The following TRPV5 variants were observed in gnomAD, a reference collection of about 807,000 sequenced individuals.
The protein encoded by TRPV5 is calcium transport protein 2.
Under a neutral mutation model 74.1 loss-of-function variants are expected in TRPV5, and 66 were observed. That is an observed-to-expected ratio of 0.89 (90% CI 0.73 to 1.09). The LOEUF (loss-of-function observed/expected upper bound fraction) is 1.09. Among genes scored for constraint, TRPV5 ranks in the 50% least tolerant of loss-of-function variants. The pLI, the probability that TRPV5 is intolerant of heterozygous loss-of-function variation, is 0.00. For missense variants in TRPV5, 936 were observed against 930.4 expected (o/e 1.01, Z -0.08); for synonymous variants, 399 against 360.7 (o/e 1.11, Z -1.20).
chr7:142,925,201 A>G, intron 8 of TRPV5: 3 of 532,568 alleles, frequency 5.6e-6, no homozygotes, highest in Non-Finnish European at 1.0e-5. Context: ...CCTTTTGAGC[A>G]ATAGAGTTTA....
chr7:142,930,042 C>T lies in TRPV5; in HGVS notation c.349+16G>A. On this transcript the variant is annotated intron_variant, in intron 3 of 14. Coordinates refer to ENST00000265310, the MANE Select transcript of TRPV5 (RefSeq NM_019841.7). ...TCTCAAAGTTTCCACCTTGAATTACCATGTAGGCTCCTTACCTGCAAAAGC... is the reference window on the plus strand; with the variant it reads ...TCTCAAAGTTTCCACCTTGAATTACTATGTAGGCTCCTTACCTGCAAAAGC... The T allele has an allele frequency of 3.1e-6, 5 of 1,613,630 alleles. No homozygotes were observed. The highest frequency in any genetic ancestry group is 1.1e-5 in the South Asian group (1 of 91,010).
Position 142,916,892 on chromosome 7 carries a change from C to CTTTTTTTT in TRPV5, c.1123-1332_1123-1325dup, listed in dbSNP as rs1480768096. Among the ~76,000 whole-genome samples, 5 of 140,260 alleles carry CTTTTTTTT rather than the reference C, an allele frequency of 3.6e-5. 2 individuals are homozygous for CTTTTTTTT. Among genetic ancestry groups the CTTTTTTTT allele is most frequent in the Non-Finnish European group, 7.7e-5 (5 of 64,984 alleles). 92.0% of individuals were successfully genotyped at this position (140,260 alleles called of 152,430 possible). ...ACCTGTGACCAGACATCAGTCAACA[C>CTTTTTTTT]TTTTTTTTTTCTTTTTTGGCTTAAA... On this transcript the variant is annotated intron_variant, in intron 8 of 14. Transcript: ENST00000265310.
At chr7:142,921,845 C>T (rs1014542806) in intron 8 of TRPV5, among the ~76,000 whole-genome samples, 2 of 152,196 alleles carry the variant, frequency 1.3e-5, no homozygotes, top group African/African-American at 4.8e-5. Context: ...TCTCTGTGCT[C>T]TAGTGAATCT....
chr7:142,933,379 T>A lies in TRPV5; in HGVS notation c.81A>T (p.Gln27His). ...KLLPSFLVRE[Q>H]DWDQHLDKLH... ...GCTTGTCCAGGTGCTGGTCCCAGTC[T>A]TGTTCTCTGACCAGAAAGGAGGGCA... is the stretch of plus-strand genomic sequence containing the variant. The change falls in exon 1 of 15, where the codon CAA (glutamine) becomes CAT (histidine). Residue 27 changes from glutamine to histidine, a missense_variant. Transcript: ENST00000265310. The A allele has an allele frequency of 6.2e-7, 1 of 1,614,138 alleles. No individual in the cohort carries two copies. The highest frequency in any genetic ancestry group is 1.1e-5 in the South Asian group (1 of 91,074).
At chr7:142,917,467 G>A (rs545843359) in intron 8 of TRPV5, among the ~76,000 whole-genome samples, 1 of 152,264 alleles carries the variant, frequency 6.6e-6, no homozygotes, top group Non-Finnish European at 1.5e-5. Flanking sequence ...TGGCGAGGAT[G>A]GCTGTGAAGA....
chr7:142,932,789 C>T (rs1796117626), intron 1 of TRPV5, among the ~76,000 whole-genome samples: 1 of 152,186 alleles, frequency 6.6e-6, no homozygotes, highest in Non-Finnish European at 1.5e-5. Context: ...TCTAACACCC[C>T]TCTGCACACA....
intron 13 of TRPV5, 51 bp from the exon 14 acceptor site, chr7:142,909,647 C>CA (rs1436310902): frequency 1.3e-6 from 2 of 1,584,826 alleles, no homozygotes; most frequent in South Asian, 2.3e-5. Context: ...CCATGAGGTT[C>CA]AAAGAGGCAC....
At chr7:142,927,843 G>A (rs907530385) in intron 7 of TRPV5, among the ~76,000 whole-genome samples, 1 of 152,224 alleles carries the variant, frequency 6.6e-6, no homozygotes, top group Non-Finnish European at 1.5e-5. Flanking sequence ...CTTATTTGGA[G>A]TTTCTCATCT....
At chr7:142,909,080 A>G (rs1795665848) in intron 14 of TRPV5, among the ~76,000 whole-genome samples, 1 of 152,110 alleles carries the variant, frequency 6.6e-6, no homozygotes, top group South Asian at 2.1e-4. Flanking sequence ...ATACGTAGGA[A>G]TGTGAAAGAG....
Position 142,925,679 on chromosome 7 carries a change from A to G in TRPV5, c.972T>C (p.Tyr324=), listed in dbSNP as rs903572441. The change falls in exon 8 of 15, where the codon TAT becomes TAC. Residue 324 remains tyrosine, a synonymous_variant. Transcript: ENST00000265310. ...CCAGGATGCAGAAGTACGGCCGGCC[A>G]TACTTGTTCCACTTGAAGCTCACCA... ...KELVSFKWNK[Y]GRPYFCILAA... is the part of the protein sequence containing the mutation. 4 of 1,614,072 alleles carry G rather than the reference A, an allele frequency of 2.5e-6. No homozygotes were observed. In the African/African-American group the frequency reaches 4.0e-5, roughly 16 times the overall value.
intron 13 of TRPV5, among the ~76,000 whole-genome samples, chr7:142,911,031 G>T (rs1044877202): frequency 2.0e-5 from 3 of 152,172 alleles, no homozygotes; most frequent in African/African-American, 7.2e-5. Context: ...GGAAGGAATT[G>T]GCAGGGGGAA....
chr7:142,915,065 G>C lies in TRPV5; in HGVS notation c.1287-19C>G. The C allele has an allele frequency of 6.2e-7, 1 of 1,611,456 alleles. No homozygotes were observed. ...GGTGATGCTGGGGGAGCAGAAAGCA[G>C]AGAGTGAGAGACAAGCTGGAACTAT... is the stretch of plus-strand genomic sequence containing the variant. On this transcript the variant is annotated intron_variant, in intron 10 of 14. Transcript: ENST00000265310.
At position 142,933,717 on chromosome 7, in the gene TRPV5, G is replaced by T. The variant is rs548821648; in HGVS notation, c.-258C>A. 12 of 484,158 alleles carry T rather than the reference G, an allele frequency of 2.5e-5. 1 individual carries two copies. In the South Asian group the frequency reaches 3.8e-4, roughly 15 times the overall value. 30.0% of individuals were successfully genotyped at this position (484,158 alleles called of 1,614,324 possible). A position where few individuals can be genotyped will look rare whatever the true frequency, so the allele number is the denominator to read the frequency against. On this transcript the variant is annotated 5_prime_UTR_variant, in exon 1 of 15. Transcript: ENST00000265310. ...ATGCAGTGTGTGGTTGTGAGGTGGT[G>T]TGTGTGCATGCAGGTGCGCTGAGGG...
chr7:142,925,065 T>A lies in TRPV5; in HGVS notation c.1122+464A>T, dbSNP rs1031235761. The A allele has an allele frequency of 5.4e-5, 11 of 202,962 alleles. No homozygotes were observed. The East Asian group carries it at 1.2e-3, about 22-fold the overall frequency. 12.6% of individuals were successfully genotyped at this position (202,962 alleles called of 1,614,324 possible). A position where few individuals can be genotyped will look rare whatever the true frequency, so the allele number is the denominator to read the frequency against. ...AGTGTCTGACAGGCAGTCAGACAGC[T>A]GACACATTATTCCCATGGGCCCATA... is the stretch of plus-strand genomic sequence containing the variant. On this transcript the variant is annotated intron_variant, in intron 8 of 14. Coordinates refer to ENST00000265310, the MANE Select transcript of TRPV5 (RefSeq NM_019841.7).
chr7:142,923,686 G>A (rs1460365273), intron 8 of TRPV5, among the ~76,000 whole-genome samples: 1 of 152,180 alleles, frequency 6.6e-6, no homozygotes, highest in Admixed American at 6.5e-5. Flanking sequence ...AAGAAAGAAG[G>A]ATGGGTCAGG....
Position 142,928,776 on chromosome 7 carries a change from C to A in TRPV5, c.677G>T (p.Gly226Val), listed in dbSNP as rs1468958129. The A allele has an allele frequency of 6.2e-7, 1 of 1,614,142 alleles. No homozygotes were observed. Among genetic ancestry groups the A allele is most frequent in the African/African-American group, 1.3e-5 (1 of 75,046 alleles). ...AAGGTCCAGGGGCTGCAGGTGGTCC[C>A]CATGTCCATCATAGGACAGCAGCAG... Reference protein sequence around the residue: ...YNLLLSYDGHGDHLQPLDLVP... With the variant: ...YNLLLSYDGHVDHLQPLDLVP... The change falls in exon 6 of 15, where the codon GGG (glycine) becomes GTG (valine). Residue 226 changes from glycine (G) to valine (V), a missense_variant. Coordinates refer to ENST00000265310, the MANE Select transcript of TRPV5 (RefSeq NM_019841.7).
At position 142,908,321 on chromosome 7, in the gene TRPV5, C is replaced by G; in HGVS notation, c.*193G>C. ...GCAAGAGCCCAGAAAATACGTGAGA[C>G]AATCGATGACCATTGCCCATTGCCA... On this transcript the variant is annotated 3_prime_UTR_variant, in exon 15 of 15. Transcript: ENST00000265310. 1.6e-6 allele frequency: 1 copy of G among 643,068 alleles called. No homozygotes were observed. The highest frequency in any genetic ancestry group is 2.2e-5 in the South Asian group (1 of 46,092). 39.8% of individuals were successfully genotyped at this position (643,068 alleles called of 1,614,324 possible).
intron 7 of TRPV5, 147 bp from the exon 8 acceptor site, chr7:142,925,888 A>G (rs1264730853): frequency 4.1e-6 from 3 of 728,766 alleles, no homozygotes; most frequent in African/African-American, 3.5e-5. Context: ...TATTTCCTGC[A>G]TATGGCTGGG....
At chr7:142,921,004 G>A (rs975583023) in intron 8 of TRPV5, among the ~76,000 whole-genome samples, 10 of 152,204 alleles carry the variant, frequency 6.6e-5, no homozygotes, top group African/African-American at 2.4e-4. Context: ...TCTATAATGT[G>A]CTGTGCTTGT....
Sources: allele counts gnomAD v4.1 joint callset (sites outside exome capture counted in the v4.1 genomes callset), GRCh38; gene constraint gnomAD v4.1.1; transcripts MANE v1.5; gene names NCBI Gene and HGNC (gene_info 2026-07-23, HGNC 2026-07-21).